BBX: variants seen among roughly 807,000 people sequenced by gnomAD.
BBX encodes BBX high mobility group box domain containing.
BBX carries 30 observed loss-of-function variants against 100.2 expected under a neutral mutation model. The ratio of observed to expected loss-of-function variants is 0.30; its 90% confidence interval spans 0.22 to 0.41. The LOEUF (loss-of-function observed/expected upper bound fraction) is 0.41. Among genes scored for constraint, BBX ranks in the 10% least tolerant of loss-of-function variants. The pLI is 1.00. For missense variants in BBX, 1,023 were observed against 1,129.8 expected (o/e 0.91, Z 1.35); for synonymous variants, 376 against 388.1 (o/e 0.97, Z 0.37).
intron 3 of BBX, among the ~76,000 whole-genome samples, chr3:107,708,019 G>A (rs1256956135): frequency 3.9e-5 from 6 of 152,096 alleles, no homozygotes; most frequent in Non-Finnish European, 7.4e-5. Flanking sequence ...ACCCTTAAAT[G>A]GGTTTAACTA....
intron 3 of BBX, among the ~76,000 whole-genome samples, chr3:107,709,304 G>A (rs981958096): frequency 1.6e-4 from 24 of 152,122 alleles, no homozygotes; most frequent in African/African-American, 5.1e-4. Context: ...CCAGAAATAA[G>A]GAAGACAGAT....
chr3:107,629,849 G>A (rs370188348), intron 2 of BBX, among the ~76,000 whole-genome samples: 3 of 152,104 alleles, frequency 2.0e-5, no homozygotes, highest in Non-Finnish European at 2.9e-5. Flanking sequence ...TTCACATTGC[G>A]TATTTTGAGA....
At chr3:107,738,231 A>C (rs996959235) in intron 7 of BBX, among the ~76,000 whole-genome samples, 40 of 152,118 alleles carry the variant, frequency 2.6e-4, no homozygotes, top group African/African-American at 9.6e-4. Flanking sequence ...GATTATATTT[A>C]GTTTTATAAT....
At chr3:107,668,391 A>G (rs1016986268) in intron 3 of BBX, among the ~76,000 whole-genome samples, 3 of 151,998 alleles carry the variant, frequency 2.0e-5, no homozygotes, top group Non-Finnish European at 4.4e-5. Flanking sequence ...CTTTTCATCC[A>G]TTTATGGTTA....
At chr3:107,720,957 G>A (rs1424429485) in intron 5 of BBX, among the ~76,000 whole-genome samples, 1 of 151,892 alleles carries the variant, frequency 6.6e-6, no homozygotes, top group Non-Finnish European at 1.5e-5. Context: ...TTTCTTAACT[G>A]TTATGCATCA....
chr3:107,555,268 A>G (rs192439622), intron 2 of BBX, among the ~76,000 whole-genome samples: 271 of 152,294 alleles, frequency 1.8e-3, no homozygotes, highest in Non-Finnish European at 2.1e-3. Flanking sequence ...GCTAAACAAT[A>G]TAGAACAGTT....
chr3:107,744,819 A>G (rs1003485295), intron 8 of BBX, 109 bp downstream of exon 8: 18 of 849,602 alleles, frequency 2.1e-5, no homozygotes, highest in African/African-American at 1.2e-4. Context: ...CAGCTCAACC[A>G]TAAGTGGGAA....
chr3:107,629,399 G>A (rs1389565758), intron 2 of BBX, among the ~76,000 whole-genome samples: 1 of 152,146 alleles, frequency 6.6e-6, no homozygotes, highest in African/African-American at 2.4e-5. Flanking sequence ...AATTATGAGA[G>A]AAAGCTGTCC....
chr3:107,696,159 G>C (rs1035039575), intron 3 of BBX, among the ~76,000 whole-genome samples: 2 of 151,846 alleles, frequency 1.3e-5, no homozygotes, highest in East Asian at 1.9e-4. Context: ...CAATTTGCCA[G>C]TCTGTGTCTT....
intron 6 of BBX, among the ~76,000 whole-genome samples, chr3:107,731,912 A>G (rs1380174693): frequency 6.6e-6 from 1 of 152,192 alleles, no homozygotes; most frequent in African/African-American, 2.4e-5. Flanking sequence ...TGAGGACCTT[A>G]TATGTACTAG....
At chr3:107,526,251 A>C (rs574814438) in intron 1 of BBX, 76 bp from the exon 2 acceptor site, 1 of 398,484 alleles carries the variant, frequency 2.5e-6, no homozygotes, top group East Asian at 3.6e-5. Flanking sequence ...CTCTTCATAG[A>C]TGTTACAGGA....
In BBX at chr3:107,789,946, C is replaced by T. The variant is rs3804346; in HGVS notation, c.2293+70C>T. The T allele has an allele frequency of 1.1e-3, 1,268 of 1,200,492 alleles. 5 individuals are homozygous for T. The East Asian group carries it at 0.014, about 14-fold the overall frequency. The allele number at this position is 1,200,492 out of a possible 1,614,324, so 74.4% of individuals were successfully genotyped here. On this transcript the variant is annotated intron_variant, in intron 14 of 17. Coordinates refer to ENST00000325805, the MANE Select transcript of BBX (RefSeq NM_001142568.3). ...CATTGTGATTCATCTTTGAGTAATG[C>T]TCCCATGCACTGCCTTTGCCTTGTC... is the stretch of plus-strand genomic sequence containing the variant.
chr3:107,679,352 G>T (rs1312158122), intron 3 of BBX, among the ~76,000 whole-genome samples: 1 of 152,032 alleles, frequency 6.6e-6, no homozygotes, highest in Non-Finnish European at 1.5e-5. Flanking sequence ...ATAATTTAAT[G>T]CATATTACCC....
chr3:107,670,662 CTT>C (rs770743684), intron 3 of BBX, among the ~76,000 whole-genome samples: 12 of 151,910 alleles, frequency 7.9e-5, no homozygotes, highest in Non-Finnish European at 1.8e-4. Context: ...AGCTAGAAAA[CTT>C]TTTAGTTTCA....
chr3:107,586,776 G>A (rs950612509), intron 2 of BBX, among the ~76,000 whole-genome samples: 2 of 150,916 alleles, frequency 1.3e-5, no homozygotes, highest in African/African-American at 4.9e-5. Flanking sequence ...TTGAGATGGA[G>A]TTTCGCTCTT....
At chr3:107,646,618 G>A (rs2057535741) in intron 3 of BBX, among the ~76,000 whole-genome samples, 1 of 152,074 alleles carries the variant, frequency 6.6e-6, no homozygotes, top group Non-Finnish European at 1.5e-5. Flanking sequence ...CTGGGAATCA[G>A]ATGTGGGATT....
At chr3:107,765,642 TA>T (rs1207181613) in intron 10 of BBX, among the ~76,000 whole-genome samples, 3 of 152,158 alleles carry the variant, frequency 2.0e-5, no homozygotes, top group Non-Finnish European at 4.4e-5. Context: ...TGCCTTCCAG[TA>T]CATCACTGTC....
intron 3 of BBX, among the ~76,000 whole-genome samples, chr3:107,667,816 G>A (rs1375410070): frequency 6.6e-6 from 1 of 151,954 alleles, no homozygotes; most frequent in Non-Finnish European, 1.5e-5. Flanking sequence ...TATTAAAATA[G>A]TTTTGAATAG....
Position 107,773,096 on chromosome 3 carries a change from A to G in BBX, c.1375A>G (p.Met459Val). ...KLKKKKKKSK[M>V]DRHGNDKSTP... ...AAAAAAGAAAAAGAAGAAAAGCAAA[A>G]TGGATCGACATGGAAATGATAAATC... is the stretch of plus-strand genomic sequence containing the variant. Residue 459 changes from methionine (M) to valine (V), a missense_variant, in exon 11 of 18, where the codon ATG becomes GTG. Met to Val is a conservative substitution (Grantham distance 21, BLOSUM62 1). Around this residue, in one of 9 missense-constraint regions of BBX, gnomAD observed 348 missense variants for 353.2 expected, o/e 0.99. Coordinates refer to ENST00000325805, the MANE Select transcript of BBX (RefSeq NM_001142568.3). This position sits in a 1 kb window ranked among gnomAD's most constrained non-coding sequence, Gnocchi z 4.1. 1.2e-6 allele frequency: 2 copies of G among 1,613,300 alleles called. No individual in the cohort carries two copies. Among genetic ancestry groups the G allele is most frequent in the Non-Finnish European group, 1.7e-6 (2 of 1,179,848 alleles).
Sources: gnomAD v4.1 joint callset for allele counts (sites outside exome capture counted in the v4.1 genomes callset) on GRCh38, gnomAD v4.1.1 for gene constraint, gnomAD v4.1.1 regional missense constraint, Gnocchi (gnomAD v3.1) non-coding constraint, MANE v1.5 for transcripts, NCBI Gene and HGNC (gene_info 2026-07-23, HGNC 2026-07-21) for gene names.